Variants in POGZ observed in about 807,000 individuals in gnomAD.
POGZ encodes pogo transposable element derived with ZNF domain, also known as pogo transposable element with ZNF domain.
POGZ carries 17 observed loss-of-function variants against 134.6 expected under a neutral mutation model. That is an observed-to-expected ratio of 0.13 (90% confidence interval 0.09 to 0.19). The LOEUF (loss-of-function observed/expected upper bound fraction) is 0.19. Ranked by LOEUF, POGZ falls within the 10% of genes least tolerant of loss-of-function variation. The pLI is 1.00. For missense variants in POGZ, 1,306 were observed against 1,769.7 expected (o/e 0.74, Z 4.70); for synonymous variants, 693 against 657.1 (o/e 1.05, Z -0.84).
At position 151,404,572 on chromosome 1, in the gene POGZ, G is replaced by A; in HGVS notation, c.*230C>T. 3.3e-6 allele frequency: 4 copies of A among 1,210,700 alleles called. No homozygotes were observed. The highest frequency in any genetic ancestry group is 4.1e-6 in the Non-Finnish European group (4 of 973,606). The allele number at this position is 1,210,700 out of a possible 1,614,324, so 75.0% of individuals were successfully genotyped here. On this transcript the variant is annotated 3_prime_UTR_variant, in exon 19 of 19. Transcript: ENST00000271715. ...TCACAAAAACCTGTTTTTAGCAGAA[G>A]TGAATGACCAATGGGCCAGCTCCTT...
intron 12 of POGZ, among the ~76,000 whole-genome samples, chr1:151,410,526 G>C (rs960577492): frequency 2.0e-5 from 3 of 151,988 alleles, no homozygotes; most frequent in African/African-American, 7.3e-5. Context: ...TTTCCTCCTA[G>C]TACTATGGTG....
chr1:151,414,630 A>G (rs1019341444), intron 10 of POGZ, among the ~76,000 whole-genome samples: 3 of 152,116 alleles, frequency 2.0e-5, no homozygotes, highest in Non-Finnish European at 4.4e-5. Context: ...TAAAAATACA[A>G]AATCAGCCGG....
At chr1:151,413,210 G>A (rs1465244658) in intron 10 of POGZ, among the ~76,000 whole-genome samples, 1 of 150,012 alleles carries the variant, frequency 6.7e-6, no homozygotes, top group African/African-American at 2.5e-5. Flanking sequence ...TATCCTTTGA[G>A]CTCAAGCGAG....
In POGZ at chr1:151,423,508, T is replaced by C. The variant is rs757900263; in HGVS notation, c.1567A>G (p.Asn523Asp). 6.2e-7 allele frequency: 1 copy of C among 1,613,972 alleles called. No individual in the cohort carries two copies. The highest frequency in any genetic ancestry group is 8.5e-7 in the Non-Finnish European group (1 of 1,179,816). The change falls in exon 10 of 19, where the codon AAC (asparagine) becomes GAC (aspartate). Residue 523 changes from asparagine (N) to aspartate (D), a missense_variant. This residue lies in a region of POGZ where 541 missense variants were observed against 680.5 expected (regional missense o/e 0.80). Coordinates refer to ENST00000271715, the MANE Select transcript of POGZ (RefSeq NM_015100.4). ...MKHHVELDQQ[N>D]GEVDGHTICQ... ...ATAGTGTGACCATCTACCTCACCGTTCTGCTGATCGAGTTCTACGTGGTGT... is the reference window on the plus strand; with the variant it reads ...ATAGTGTGACCATCTACCTCACCGTCCTGCTGATCGAGTTCTACGTGGTGT...
At chr1:151,416,229 A>AAG (rs1655643695) in intron 10 of POGZ, among the ~76,000 whole-genome samples, 1 of 148,934 alleles carries the variant, frequency 6.7e-6, no homozygotes, top group Non-Finnish European at 1.5e-5. Context: ...AAAAAAAAAA[A>AAG]AAAAAAGAAA....
chr1:151,424,990 A>C lies in POGZ; in HGVS notation c.1150T>G (p.Phe384Val). 6.3e-7 allele frequency: 1 copy of C among 1,597,764 alleles called. No individual in the cohort carries two copies. Among genetic ancestry groups the C allele is most frequent in the Non-Finnish European group, 8.6e-7 (1 of 1,168,732 alleles). The change falls in exon 8 of 19, where the codon TTT becomes GTT. Residue 384 changes from phenylalanine to valine, a missense_variant. By Grantham distance (50) the Phe-to-Val change is conservative (BLOSUM62 -1). This residue lies in a region of POGZ where 541 missense variants were observed against 680.5 expected (regional missense o/e 0.80). Coordinates refer to ENST00000271715, the MANE Select transcript of POGZ (RefSeq NM_015100.4). ...CCTCTCAAAGCTTCAGTAACACGAA[A>C]TTGAGCATTACATCGTGGACATATT... is the stretch of plus-strand genomic sequence containing the variant. The part of the protein sequence containing the change: ...RKICPRCNAQ[F>V]RVTEALRGHM...
intron 3 of POGZ, chr1:151,438,881 A>AG (rs1016000193): frequency 2.0e-5 from 3 of 151,742 alleles, no homozygotes; most frequent in African/African-American, 7.3e-5. Flanking sequence ...CGTCTCAGGG[A>AG]GAAAAAAAAA....
At chr1:151,407,189 G>T in intron 16 of POGZ, 46 bp downstream of exon 16, 1 of 1,438,258 alleles carries the variant, frequency 7.0e-7, no homozygotes, top group Non-Finnish European at 9.6e-7. Flanking sequence ...GAAAATTAAT[G>T]TAAAAACCTG....
intron 5 of POGZ, 34 bp downstream of exon 5, chr1:151,429,569 A>T (rs6587577): frequency 1.9e-6 from 2 of 1,075,388 alleles, no homozygotes; most frequent in South Asian, 1.3e-5. Flanking sequence ...TCTGGATGCC[A>T]GTTTATTCCA....
chr1:151,434,576 A>C (rs1449451804), intron 3 of POGZ, among the ~76,000 whole-genome samples: 11 of 152,186 alleles, frequency 7.2e-5, no homozygotes, highest in Admixed American at 6.5e-4. Flanking sequence ...TTCAGACATC[A>C]CATGGTATCA....
intron 8 of POGZ, 52 bp downstream of exon 8, chr1:151,424,903 G>C (rs1657519240): frequency 1.1e-6 from 1 of 883,314 alleles, no homozygotes; most frequent in Non-Finnish European, 1.9e-6. Flanking sequence ...CAATATTAAT[G>C]AAGGTAAATG....
chr1:151,429,779 C>A (rs1658394232), intron 4 of POGZ, 68 bp from the exon 5 acceptor site: 1 of 813,008 alleles, frequency 1.2e-6, no homozygotes, highest in East Asian at 2.6e-5. Flanking sequence ...TGCAGTATGA[C>A]CTACATCCAA....
chr1:151,403,195 G>A lies in POGZ; in HGVS notation c.*1607C>T, dbSNP rs1359497937. 1.0e-6 allele frequency: 1 copy of A among 984,432 alleles called. No homozygotes were observed. The highest frequency in any genetic ancestry group is 1.1e-4 in the East Asian group (1 of 8,824). The allele number at this position is 984,432 out of a possible 1,614,324, so 61.0% of individuals were successfully genotyped here. A position where few individuals can be genotyped will look rare whatever the true frequency, so the allele number is the denominator to read the frequency against. On this transcript the variant is annotated 3_prime_UTR_variant, in exon 19 of 19. Coordinates refer to ENST00000271715, the MANE Select transcript of POGZ (RefSeq NM_015100.4). ...CCAGTTCACTATATTATAGTGTGCT[G>A]GGGGATGAAAAAACAAACAAACAAA...
At chr1:151,446,650 G>A (rs1661315035) in intron 1 of POGZ, among the ~76,000 whole-genome samples, 1 of 150,290 alleles carries the variant, frequency 6.7e-6, no homozygotes, top group Non-Finnish European at 1.5e-5. Context: ...CAGCTACTCA[G>A]GAAGCTGAGG....
Position 151,404,852 on chromosome 1 carries a change from C to T in POGZ, c.4183G>A (p.Glu1395Lys). The T allele has an allele frequency of 1.2e-6, 2 of 1,613,772 alleles. No individual in the cohort carries two copies. Among genetic ancestry groups the T allele is most frequent in the Non-Finnish European group, 1.7e-6 (2 of 1,179,854 alleles). The change falls in exon 19 of 19, where the codon GAG becomes AAG. Residue 1395 changes from glutamate to lysine, a missense_variant. Physicochemically the swap from Glu to Lys is moderately conservative, Grantham distance 56 (BLOSUM62 1). Transcript: ENST00000271715. The part of the protein sequence containing the change: ...HQLFEGESET[E>K]SFYGFEEADL... The stretch of plus-strand genomic sequence containing the variant: ...GCTTCTTCAAAGCCATAGAAAGACT[C>T]GGTCTCACTTTCACCCTCAAAGAGC...
Position 151,451,857 on chromosome 1 carries a change from G to A in POGZ, c.-2+7295C>T, listed in dbSNP as rs189978798. On this transcript the variant is annotated intron_variant, in intron 1 of 18. Coordinates refer to ENST00000271715, the MANE Select transcript of POGZ (RefSeq NM_015100.4). ...CACGCCTGTAATCCCAGCACTTTGG[G>A]AGGCCAAGGCAGGTGGATCACCTCA... Among the ~76,000 whole-genome samples the A allele has an allele frequency of 8.9e-3, 1,348 of 151,618 alleles. 22 individuals carry two copies. Among genetic ancestry groups the A allele is most frequent in the African/African-American group, 0.031 (1,287 of 41,470 alleles).
intron 10 of POGZ, among the ~76,000 whole-genome samples, chr1:151,415,958 A>C (rs190005071): frequency 2.0e-4 from 30 of 152,200 alleles, no homozygotes; most frequent in African/African-American, 7.2e-4. Flanking sequence ...TCACGCCTGT[A>C]ATCTCAGAGC....
intron 3 of POGZ, among the ~76,000 whole-genome samples, chr1:151,436,237 C>T (rs568045728): frequency 1.3e-5 from 2 of 152,262 alleles, no homozygotes; most frequent in South Asian, 2.1e-4. Context: ...GGATTACGGG[C>T]GTGAGCCACC....
intron 8 of POGZ, 113 bp from the exon 9 acceptor site, chr1:151,424,399 G>T: frequency 1.5e-6 from 1 of 664,288 alleles, no homozygotes; most frequent in Non-Finnish European, 2.5e-6. Flanking sequence ...TTCTCATTCA[G>T]CTTTCACCCT....
Sources: gnomAD v4.1 joint callset for allele counts (sites outside exome capture counted in the v4.1 genomes callset) on GRCh38, gnomAD v4.1.1 for gene constraint, gnomAD v4.1.1 regional missense constraint, MANE v1.5 for transcripts, NCBI Gene and HGNC (gene_info 2026-07-23, HGNC 2026-07-21) for gene names.